ZDHHC7: variants seen among roughly 807,000 people sequenced by gnomAD.
ZDHHC7 encodes zDHHC palmitoyltransferase 7.
A neutral mutation model predicts 34.1 loss-of-function variants in ZDHHC7; 12 were observed. That is an observed-to-expected ratio of 0.35 (90% CI 0.23 to 0.57). The LOEUF is 0.57. ZDHHC7 is among the 20% of genes least tolerant of loss of function. The probability of loss-of-function intolerance (pLI) is 0.84; values close to 1 mark genes in which losing one functional copy is unlikely to be tolerated. For missense variants in ZDHHC7, 388 were observed against 402.7 expected (o/e 0.96, Z 0.31); for synonymous variants, 185 against 155.4 (o/e 1.19, Z -1.42).
rs921743921 is a variant in ZDHHC7, at chr16:84,976,612, T to G, written c.751-93A>C. On this transcript the variant is annotated intron_variant, in intron 7 of 7. Transcript: ENST00000313732. Reference sequence around the variant, plus strand: ...AATCACACCGTGCTCAAGCACAGTGTGGGCTCGATGGAGGGTAGGTGAGTG... The same window carrying G: ...AATCACACCGTGCTCAAGCACAGTGGGGGCTCGATGGAGGGTAGGTGAGTG... The G allele has an allele frequency of 2.7e-6, 4 of 1,486,920 alleles. No individual in the cohort carries two copies. In the African/African-American group the frequency reaches 5.7e-5, roughly 21 times the overall value. The allele number at this position is 1,486,920 out of a possible 1,614,324, so 92.1% of individuals were successfully genotyped here. A position where few individuals can be genotyped will look rare whatever the true frequency, so the allele number is the denominator to read the frequency against.
At chr16:84,987,097 C>A (rs1252941632) in intron 3 of ZDHHC7, among the ~76,000 whole-genome samples, 1 of 152,220 alleles carries the variant, frequency 6.6e-6, no homozygotes, top group Non-Finnish European at 1.5e-5. Context: ...CTGAGGACAG[C>A]TGCCAGCCTC....
rs1011852134 is a variant in ZDHHC7, at chr16:84,990,333, A to C, written c.286T>G (p.Ser96Ala). 1.7e-5 allele frequency: 27 copies of C among 1,613,972 alleles called. No individual in the cohort carries two copies. The highest frequency in any genetic ancestry group is 2.7e-5 in the African/African-American group (2 of 74,892). ...FNCLAVLALS[S>A]HLRTMLTDPG... ...TCGGTGAGCATGGTTCTCAGGTGGGATGACAGGGCAAGCACGGCCAAGCAG... is the reference window on the plus strand; with the variant it reads ...TCGGTGAGCATGGTTCTCAGGTGGGCTGACAGGGCAAGCACGGCCAAGCAG... Residue 96 changes from serine to alanine, a missense_variant, in exon 3 of 8, where the codon TCC (serine) becomes GCC (alanine). Coordinates refer to ENST00000313732, the MANE Select transcript of ZDHHC7 (RefSeq NM_017740.3).
At chr16:85,012,526 G>A (rs569747271), upstream of ZDHHC7, among the ~76,000 whole-genome samples, 2 of 151,910 alleles carry the variant, frequency 1.3e-5, no homozygotes, top group African/African-American at 4.8e-5. Context: ...ATAGCTTAAA[G>A]ACAAAAGTAA....
chr16:84,993,271 T>C (rs1023231991), intron 2 of ZDHHC7, among the ~76,000 whole-genome samples: 2 of 151,916 alleles, frequency 1.3e-5, no homozygotes, highest in East Asian at 3.9e-4. Flanking sequence ...CAGTGAGCCA[T>C]GATCATGCCA....
At chr16:85,023,071 G>A in the ZDHHC7 span, among the ~76,000 whole-genome samples, 4 of 152,148 alleles carry the variant, frequency 2.6e-5, no homozygotes, top group African/African-American at 9.7e-5. Context: ...CTCCCCTAGA[G>A]CCTCTGAAAG....
At chr16:85,020,104 G>T in the ZDHHC7 span, among the ~76,000 whole-genome samples, 1 of 152,322 alleles carries the variant, frequency 6.6e-6, no homozygotes, top group South Asian at 2.1e-4. Flanking sequence ...CCTCTGGAAA[G>T]AGCCCACAAT....
At chr16:84,980,683 A>G (rs2072356269) in intron 4 of ZDHHC7, among the ~76,000 whole-genome samples, 1 of 152,022 alleles carries the variant, frequency 6.6e-6, no homozygotes, top group South Asian at 2.1e-4. Context: ...ATCCCCAAAA[A>G]ATTTATATAC....
chr16:85,006,156 A>C (rs1217816383), intron 1 of ZDHHC7, among the ~76,000 whole-genome samples: 1 of 152,144 alleles, frequency 6.6e-6, no homozygotes, highest in Non-Finnish European at 1.5e-5. Flanking sequence ...TTGAGTTAAA[A>C]GACCAGCCTG....
chr16:85,009,294 G>A (rs2072758041), intron 1 of ZDHHC7, among the ~76,000 whole-genome samples: 1 of 151,972 alleles, frequency 6.6e-6, no homozygotes, highest in South Asian at 2.1e-4. Context: ...GTAAAAGTAC[G>A]TTCATACTTT....
At chr16:85,016,827 T>C in the ZDHHC7 span, among the ~76,000 whole-genome samples, 2 of 152,138 alleles carry the variant, frequency 1.3e-5, no homozygotes, top group African/African-American at 4.8e-5. Flanking sequence ...AGGATCTTCA[T>C]CTGTTTCTCA....
At chr16:85,003,094 G>A (rs1351533106) in intron 1 of ZDHHC7, among the ~76,000 whole-genome samples, 7 of 152,108 alleles carry the variant, frequency 4.6e-5, no homozygotes, top group Non-Finnish European at 5.9e-5. Flanking sequence ...GCAGAGTAAC[G>A]AAGGCAAGAC....
intron 1 of ZDHHC7, among the ~76,000 whole-genome samples, chr16:85,002,544 C>T (rs1430827703): frequency 6.6e-6 from 1 of 151,624 alleles, no homozygotes; most frequent in Non-Finnish European, 1.5e-5. Context: ...CTCCCAAGTG[C>T]CAGTCATCCA....
In ZDHHC7 at chr16:84,981,889, C is replaced by G. The variant is rs752806245; in HGVS notation, c.421G>C (p.Glu141Gln). ...ACGTACCTGCAGTGGTGGGCGCGCT[C>G]GGGTTTAATACAGCAGCACTTGGGG... Reference protein sequence around the residue: ...KCPKCCCIKPERAHHCSICKR... With the variant: ...KCPKCCCIKPQRAHHCSICKR... Residue 141 changes from glutamate (E) to glutamine (Q), a missense_variant, in exon 4 of 8, where the codon GAG (glutamate) becomes CAG (glutamine). Transcript: ENST00000313732. 6.2e-7 allele frequency: 1 copy of G among 1,614,136 alleles called. No individual in the cohort carries two copies. Among genetic ancestry groups the G allele is most frequent in the Non-Finnish European group, 8.5e-7 (1 of 1,180,020 alleles).
chr16:84,977,084 A>G lies in ZDHHC7; in HGVS notation c.750+11T>C. On this transcript the variant is annotated intron_variant, in intron 7 of 7. Transcript: ENST00000313732. ...ACATATGAAGTCCACACAGCCGAGA[A>G]CAAAGCTTACCGTCTCGTCGTTGCA... is the stretch of plus-strand genomic sequence containing the variant. The G allele has an allele frequency of 6.2e-7, 1 of 1,614,202 alleles. No individual in the cohort carries two copies. Among genetic ancestry groups the G allele is most frequent in the Non-Finnish European group, 8.5e-7 (1 of 1,180,016 alleles).
chr16:85,010,303 T>C (rs1204608476), intron 1 of ZDHHC7, among the ~76,000 whole-genome samples: 1 of 152,186 alleles, frequency 6.6e-6, no homozygotes, highest in Non-Finnish European at 1.5e-5. Context: ...ATTACAGGCA[T>C]GAGCCACGAG....
intron 2 of ZDHHC7, among the ~76,000 whole-genome samples, chr16:84,995,556 A>G (rs2072565712): frequency 6.6e-6 from 1 of 152,152 alleles, no homozygotes; most frequent in Non-Finnish European, 1.5e-5. Flanking sequence ...AACCTGGGAG[A>G]CAGAGGTCGC....
Position 85,011,502 on chromosome 16 carries a change from G to A in ZDHHC7, c.-320C>T, listed in dbSNP as rs1482444921. 1.3e-5 allele frequency: 2 copies of A among 152,258 alleles called. No individual in the cohort carries two copies. The highest frequency in any genetic ancestry group is 4.8e-5 in the African/African-American group (2 of 41,462). 9.4% of individuals were successfully genotyped at this position (152,258 alleles called of 1,614,324 possible). On this transcript the variant is annotated 5_prime_UTR_variant, in exon 1 of 8. Coordinates refer to ENST00000313732, the MANE Select transcript of ZDHHC7 (RefSeq NM_017740.3). ...AGCAAATGCCTCAGCCCGGAGCCTT[G>A]GCTGGAGAGCGGGGCGGTGCGAGCG...
intron 1 of ZDHHC7, among the ~76,000 whole-genome samples, chr16:85,009,441 G>A (rs1484161299): frequency 6.6e-6 from 1 of 152,024 alleles, no homozygotes; most frequent in Non-Finnish European, 1.5e-5. Context: ...TAGCAGGGCT[G>A]TAAAGTTTCA....
the ZDHHC7 span, among the ~76,000 whole-genome samples, chr16:85,022,283 G>A: frequency 6.6e-6 from 1 of 152,082 alleles, no homozygotes; most frequent in South Asian, 2.1e-4. Context: ...CACTTTAGGA[G>A]GCCGAGGCGG....
Sources: allele counts gnomAD v4.1 joint callset (sites outside exome capture counted in the v4.1 genomes callset), GRCh38; gene constraint gnomAD v4.1.1; transcripts MANE v1.5; gene names NCBI Gene and HGNC (gene_info 2026-07-23, HGNC 2026-07-21).